DIP2C: variants seen among roughly 807,000 people sequenced by gnomAD.
DIP2C encodes DIP2 acetate--CoA ligase C (putative), also known as disco-interacting protein 2 homolog C.
Under a neutral mutation model 192.4 loss-of-function variants are expected in DIP2C, and 33 were observed. That is an observed-to-expected ratio of 0.17 (90% CI 0.13 to 0.23). DIP2C has a LOEUF of 0.23. Among genes scored for constraint, DIP2C ranks in the 10% least tolerant of loss-of-function variants. DIP2C has a pLI of 1.00. For synonymous variants in DIP2C, 979 were observed against 864.1 expected (o/e 1.13, Z -2.33); for missense variants, 1,537 against 2,110.1 (o/e 0.73, Z 5.32).
At chr10:685,164 ATATATATATATATATATATATACAT>A (rs1831282549) in intron 1 of DIP2C, among the ~76,000 whole-genome samples, 7 of 19,130 alleles carry the variant, frequency 3.7e-4, no homozygotes, top group Non-Finnish European at 5.6e-4. Flanking sequence ...AAAAAAAAAT[ATATATATATATATATATATATACAT>A]ATATATATAT....
chr10:656,080 CTG>C (rs1170046749), intron 1 of DIP2C, among the ~76,000 whole-genome samples: 4 of 147,976 alleles, frequency 2.7e-5, no homozygotes, highest in Admixed American at 1.4e-4. Flanking sequence ...TAATGTTACA[CTG>C]TTTCATCTAT....
Position 326,992 on chromosome 10 carries a change from T to G in DIP2C, c.3924+14A>C, listed in dbSNP as rs775301341. 3 of 1,604,710 alleles carry G rather than the reference T, an allele frequency of 1.9e-6. No homozygotes were observed. The East Asian group carries it at 6.7e-5, about 36-fold the overall frequency. ...ACACTTCCCACTCAGCACTGTGATG[T>G]CGCCGAATCTCACCTGCAAGCAAAT... On this transcript the variant is annotated intron_variant, in intron 31 of 36. Coordinates refer to ENST00000280886, the MANE Select transcript of DIP2C (RefSeq NM_014974.3).
chr10:575,980 C>T (rs1850124806), intron 1 of DIP2C, among the ~76,000 whole-genome samples: 1 of 152,222 alleles, frequency 6.6e-6, no homozygotes, highest in African/African-American at 2.4e-5. Context: ...GCAGATGCTA[C>T]TCCTGCACGT....
At chr10:662,643 G>A (rs1588713773) in intron 1 of DIP2C, 2 of 568,232 alleles carry the variant, frequency 3.5e-6, no homozygotes, top group Non-Finnish European at 6.3e-6. Flanking sequence ...GACTTGATAT[G>A]GGGGAATTTT....
intron 19 of DIP2C, 136 bp downstream of exon 19, chr10:366,139 G>T: frequency 8.1e-7 from 1 of 1,240,054 alleles, no homozygotes; most frequent in Non-Finnish European, 1.1e-6. Context: ...GTGGTAAAGT[G>T]CCATCGTTTT....
At chr10:569,646 T>C (rs990684189) in intron 1 of DIP2C, among the ~76,000 whole-genome samples, 18 of 152,214 alleles carry the variant, frequency 1.2e-4, no homozygotes, top group African/African-American at 3.6e-4. Flanking sequence ...ACACCATCAC[T>C]CCTTAAATTT....
chr10:542,596 C>A (rs1018482019), intron 1 of DIP2C, among the ~76,000 whole-genome samples: 1 of 152,232 alleles, frequency 6.6e-6, no homozygotes, highest in African/African-American at 2.4e-5. Context: ...CTTCAACAAT[C>A]GGATTGGGGA....
chr10:491,577 C>G (rs909411687), intron 1 of DIP2C, among the ~76,000 whole-genome samples: 1 of 152,174 alleles, frequency 6.6e-6, no homozygotes. Context: ...TCCTCTCACC[C>G]CAGCAAGCTG....
chr10:432,228 C>A (rs887658701), intron 4 of DIP2C, among the ~76,000 whole-genome samples: 3 of 152,072 alleles, frequency 2.0e-5, no homozygotes, highest in African/African-American at 7.2e-5. Flanking sequence ...AAGAAGTATT[C>A]CTCAGCTTTT....
chr10:556,200 A>C (rs1311013463), intron 1 of DIP2C, among the ~76,000 whole-genome samples: 3 of 7,846 alleles, frequency 3.8e-4, no homozygotes, highest in Non-Finnish European at 4.5e-4. Flanking sequence ...GCACCCACCC[A>C]CCCCTCCCAC....
chr10:405,175 G>C (rs1305697966), intron 9 of DIP2C, among the ~76,000 whole-genome samples: 5 of 152,238 alleles, frequency 3.3e-5, no homozygotes, highest in African/African-American at 1.2e-4. Flanking sequence ...CTGAGACGGA[G>C]AGGATGCGTG....
intron 7 of DIP2C, 143 bp downstream of exon 7, chr10:415,626 C>T (rs924350972): frequency 5.3e-5 from 60 of 1,122,384 alleles, no homozygotes; most frequent in Non-Finnish European, 6.7e-5. Context: ...GAACATCACC[C>T]GCTCCCTACC....
chr10:611,667 T>TC (rs1438493160), intron 1 of DIP2C, among the ~76,000 whole-genome samples: 9 of 152,204 alleles, frequency 5.9e-5, no homozygotes, highest in East Asian at 3.8e-4. Flanking sequence ...TTCCTTTTTT[T>TC]CCATCTTCCC....
chr10:473,687 G>A (rs776935197), intron 2 of DIP2C, among the ~76,000 whole-genome samples: 16 of 152,252 alleles, frequency 1.1e-4, no homozygotes. Context: ...ACAGTTCCAT[G>A]AAGAACTGCT....
rs140161823 is a variant in DIP2C at position 284,391 on chromosome 10, A to G, written c.4120-945T>C. Among the ~76,000 whole-genome samples, 375 of 152,346 alleles carry G rather than the reference A, an allele frequency of 2.5e-3. 2 individuals are homozygous for G. Among genetic ancestry groups the G allele is most frequent in the African/African-American group, 8.6e-3 (359 of 41,580 alleles). On this transcript the variant is annotated intron_variant, in intron 34 of 36. Coordinates refer to ENST00000280886, the MANE Select transcript of DIP2C (RefSeq NM_014974.3). ...GTTCCCTAACACAAAGAAAATTCTC[A>G]TTAAGGCAACTGAATATTACTCAGC... is the stretch of plus-strand genomic sequence containing the variant.
chr10:405,023 A>G (rs1175913784), intron 9 of DIP2C, among the ~76,000 whole-genome samples: 1 of 152,236 alleles, frequency 6.6e-6, no homozygotes, highest in Non-Finnish European at 1.5e-5. Context: ...AAAAAACACC[A>G]GGAAACGTTA....
intron 1 of DIP2C, among the ~76,000 whole-genome samples, chr10:535,123 G>A (rs1250241911): frequency 1.3e-5 from 2 of 152,150 alleles, no homozygotes; most frequent in Non-Finnish European, 2.9e-5. Context: ...GGGTTTGCAG[G>A]ATGCTGGATC....
intron 17 of DIP2C, among the ~76,000 whole-genome samples, chr10:380,070 T>C (rs190718031): frequency 8.8e-4 from 134 of 151,862 alleles, no homozygotes; most frequent in African/African-American, 3.0e-3. Context: ...CAGAAGAGGC[T>C]GTCCCTGGAA....
intron 1 of DIP2C, among the ~76,000 whole-genome samples, chr10:574,358 A>T (rs1175040521): frequency 6.6e-6 from 1 of 152,258 alleles, no homozygotes; most frequent in Non-Finnish European, 1.5e-5. Flanking sequence ...TAACCATTCC[A>T]TTATTTTACA....
Sources: gnomAD v4.1 joint callset for allele counts (sites outside exome capture counted in the v4.1 genomes callset) on GRCh38, gnomAD v4.1.1 for gene constraint, MANE v1.5 for transcripts, NCBI Gene and HGNC (gene_info 2026-07-23, HGNC 2026-07-21) for gene names.